DHX34: variants seen among roughly 807,000 people sequenced by gnomAD.
DHX34 encodes probable ATP-dependent RNA helicase DHX34.
In DHX34, 96 loss-of-function variants were observed where a neutral mutation model predicts 111.1. The observed-to-expected ratio is 0.86, with a 90% CI of 0.73 to 1.02. The LOEUF (loss-of-function observed/expected upper bound fraction) is 1.02. Ranked by LOEUF, DHX34 falls within the 50% of genes least tolerant of loss-of-function variation. The probability of loss-of-function intolerance (pLI) is 0.00; values close to 1 mark genes in which losing one functional copy is unlikely to be tolerated. For missense variants in DHX34, 1,560 were observed against 1,579.9 expected (o/e 0.99, Z 0.21); for synonymous variants, 688 against 670.4 (o/e 1.03, Z -0.41).
At chr19:47,359,873 G>A (rs1969572275) in intron 4 of DHX34, 95 bp from the exon 5 acceptor site, 2 of 1,592,432 alleles carry the variant, frequency 1.3e-6, no homozygotes, top group South Asian at 2.3e-5. Context: ...AAGGGTTCCA[G>A]GGAAGCTGCT....
rs922634821 is a variant in DHX34, at chr19:47,353,997, C to G, written c.705+262C>G. On this transcript the variant is annotated intron_variant, in intron 2 of 16. Coordinates refer to ENST00000328771, the MANE Select transcript of DHX34 (RefSeq NM_014681.6). The surrounding 1 kb of genome is among the most constrained non-coding windows in gnomAD (Gnocchi z 4.6). ...TTTTTTTTTGAGACGGAGTCTCACT[C>G]TGTGGCCCAGGCTGGAGTGCATTGG... Among the ~76,000 whole-genome samples, 1 of 152,156 alleles carries G rather than the reference C, an allele frequency of 6.6e-6. No homozygotes were observed. Among genetic ancestry groups the G allele is most frequent in the Non-Finnish European group, 1.5e-5 (1 of 68,026 alleles).
At chr19:47,381,712 T>G in intron 16 of DHX34, 1 of 797,862 alleles carries the variant, frequency 1.3e-6, no homozygotes. Context: ...TGGGGCCACA[T>G]GCCTCCATCC....
At chr19:47,374,155 C>A (rs892716799) in intron 9 of DHX34, among the ~76,000 whole-genome samples, 3 of 152,106 alleles carry the variant, frequency 2.0e-5, no homozygotes, top group African/African-American at 7.2e-5. Context: ...ATAGCACTTG[C>A]CAGCCGGGCG....
intron 3 of DHX34, among the ~76,000 whole-genome samples, chr19:47,356,257 G>T (rs532297375): frequency 6.6e-6 from 1 of 152,254 alleles, no homozygotes; most frequent in South Asian, 2.1e-4. Flanking sequence ...GTATAGTCAA[G>T]ACTTACAGGA....
chr19:47,375,457 T>G lies in DHX34; in HGVS notation c.2065-9T>G. On this transcript the variant is annotated splice_polypyrimidine_tract_variant and intron_variant, in intron 9 of 16. Coordinates refer to ENST00000328771, the MANE Select transcript of DHX34 (RefSeq NM_014681.6). ...CCTGAGGCCCTCACCCCTACCCACC[T>G]GCCCCTAGGAGCTGTTGGAGGACCA... The G allele has an allele frequency of 1.3e-6, 2 of 1,580,116 alleles. No individual in the cohort carries two copies. Among genetic ancestry groups the G allele is most frequent in the Non-Finnish European group, 1.7e-6 (2 of 1,170,814 alleles).
intron 13 of DHX34, 139 bp downstream of exon 13, chr19:47,377,345 C>G: frequency 3.5e-6 from 3 of 855,690 alleles, no homozygotes; most frequent in Non-Finnish European, 5.3e-6. Flanking sequence ...TGGGCCGTTG[C>G]TGTGGCTGCT....
At chr19:47,354,227 T>C (rs1969381731) in intron 2 of DHX34, among the ~76,000 whole-genome samples, 1 of 152,122 alleles carries the variant, frequency 6.6e-6, no homozygotes, top group Non-Finnish European at 1.5e-5. Context: ...CCTCCCAAAG[T>C]TTTGGGATTA....
intron 5 of DHX34, among the ~76,000 whole-genome samples, chr19:47,361,465 A>G (rs908732701): frequency 2.6e-5 from 4 of 151,370 alleles, no homozygotes; most frequent in South Asian, 2.1e-4. Flanking sequence ...TTAAAAAAAA[A>G]AGAGAGAGAG....
intron 8 of DHX34, among the ~76,000 whole-genome samples, 183 bp downstream of exon 8, chr19:47,373,106 G>A (rs1213357465): frequency 1.6e-4 from 25 of 152,262 alleles, no homozygotes; most frequent in Non-Finnish European, 1.9e-4. Flanking sequence ...GCTCAGGACA[G>A]CATGTGCCCA....
chr19:47,354,312 G>A (rs1969385169), intron 2 of DHX34, among the ~76,000 whole-genome samples: 1 of 152,120 alleles, frequency 6.6e-6, no homozygotes, highest in African/African-American at 2.4e-5. Flanking sequence ...CATCTTGGAA[G>A]GCCAATAATA....
intron 1 of DHX34, among the ~76,000 whole-genome samples, chr19:47,350,018 A>T (rs1040109925): frequency 1.3e-5 from 2 of 152,128 alleles, no homozygotes; most frequent in African/African-American, 4.8e-5. Context: ...GGGGGTGATC[A>T]TAGTGCCTGA....
At position 47,376,158 on chromosome 19, in the gene DHX34, G is replaced by T. The variant is rs574178558; in HGVS notation, c.2481+61G>T. 45 of 1,517,078 alleles carry T rather than the reference G, an allele frequency of 3.0e-5. No homozygotes were observed. The South Asian group carries it at 5.7e-4, about 19-fold the overall frequency. 94.0% of individuals were successfully genotyped at this position (1,517,078 alleles called of 1,614,324 possible). ...TCCAACACACGAACCCTGAGTGCCT[G>T]TCCTGTGCCGGGAATGCAGTGGTGA... On this transcript the variant is annotated intron_variant, in intron 11 of 16. Coordinates refer to ENST00000328771, the MANE Select transcript of DHX34 (RefSeq NM_014681.6).
chr19:47,373,000 G>A (rs993436745), intron 8 of DHX34, 77 bp downstream of exon 8: 25 of 1,465,404 alleles, frequency 1.7e-5, no homozygotes, highest in Admixed American at 9.2e-5. Context: ...GCTCCTCCTC[G>A]TGTCCCACCC....
At chr19:47,380,731 G>C in intron 14 of DHX34, 85 bp from the exon 15 acceptor site, 1 of 1,575,160 alleles carries the variant, frequency 6.3e-7, no homozygotes, top group Middle Eastern at 1.7e-4. Flanking sequence ...GCCCGAGGGA[G>C]GGCTTCAGGC....
Position 47,362,557 on chromosome 19 carries a change from A to C in DHX34, c.1457A>C (p.Glu486Ala). 6.2e-7 allele frequency: 1 copy of C among 1,613,334 alleles called. No homozygotes were observed. Among genetic ancestry groups the C allele is most frequent in the Admixed American group, 1.7e-5 (1 of 59,902 alleles). ...QEFWISQASA[E>A]QRKGRAGRTG... is the part of the protein sequence containing the mutation. ...TTCTGGATTAGTCAGGCCAGCGCAG[A>C]GCAGCGGAAGGGCCGGGCGGGCCGC... Residue 486 changes from glutamate (E) to alanine (A), a missense_variant, in exon 6 of 17, where the codon GAG becomes GCG. Glu to Ala is a moderately radical substitution (Grantham distance 107). Coordinates refer to ENST00000328771, the MANE Select transcript of DHX34 (RefSeq NM_014681.6).
intron 14 of DHX34, chr19:47,380,573 C>T (rs1568409211): frequency 4.2e-6 from 4 of 961,196 alleles, no homozygotes; most frequent in South Asian, 4.8e-5. Flanking sequence ...TGAATGGGGT[C>T]CCACCAGTGA....
rs558143998 is a variant in DHX34, at chr19:47,380,017, A to C, written c.2982+32A>C. Reference sequence around the variant, plus strand: ...TCCACCAGGGTGCCCGTGCCTCCCTATGGCCAGAAGGGGCATCCGTCACTG... The same window carrying C: ...TCCACCAGGGTGCCCGTGCCTCCCTCTGGCCAGAAGGGGCATCCGTCACTG... On this transcript the variant is annotated intron_variant, in intron 14 of 16. Transcript: ENST00000328771. The C allele has an allele frequency of 4.5e-6, 7 of 1,549,780 alleles. No individual in the cohort carries two copies. The Admixed American group carries it at 1.3e-4, about 28-fold the overall frequency.
At position 47,353,686 on chromosome 19, in the gene DHX34, C is replaced by G; in HGVS notation, c.656C>G (p.Ser219Ter). ...CAGCCCCGGCGGATCGCCTGCATCT[C>G]ACTGGCCAAGCGTGTGGGCTTTGAG... ...CTQPRRIACISLAKRVGFESL... is the reference protein window; with the variant it reads ...CTQPRRIACI Residue 219 changes from serine to a stop codon, truncating the protein, a stop_gained, in exon 2 of 17, where the codon TCA (serine) becomes TGA (stop). Coordinates refer to ENST00000328771, the MANE Select transcript of DHX34 (RefSeq NM_014681.6). LOFTEE classifies it high-confidence loss of function. This position sits in a 1 kb window ranked among gnomAD's most constrained non-coding sequence, Gnocchi z 4.6. The G allele has an allele frequency of 1.2e-6, 2 of 1,611,738 alleles. No homozygotes were observed. The highest frequency in any genetic ancestry group is 8.5e-7 in the Non-Finnish European group (1 of 1,179,142).
rs778051860 is a variant in DHX34, at chr19:47,353,476, T to C, written c.446T>C (p.Phe149Ser). ...CTGGACTTTGGCCAGAAGCAGGCATTTGGGCGTCTGGCCAAGCTGCAGCGT... is the reference window on the plus strand; with the variant it reads ...CTGGACTTTGGCCAGAAGCAGGCATCTGGGCGTCTGGCCAAGCTGCAGCGT... The part of the protein sequence containing the change: ...HYLDFGQKQA[F>S]GRLAKLQRER... The change falls in exon 2 of 17, where the codon TTT (phenylalanine) becomes TCT (serine). Residue 149 changes from phenylalanine (F) to serine (S), a missense_variant. Transcript: ENST00000328771. This position sits in a 1 kb window ranked among gnomAD's most constrained non-coding sequence, Gnocchi z 4.6. The C allele has an allele frequency of 6.2e-6, 10 of 1,613,978 alleles. No homozygotes were observed. The highest frequency in any genetic ancestry group is 1.1e-5 in the South Asian group (1 of 91,092).
Sources: gnomAD v4.1 joint callset for allele counts (sites outside exome capture counted in the v4.1 genomes callset) on GRCh38, gnomAD v4.1.1 for gene constraint, Gnocchi (gnomAD v3.1) non-coding constraint, MANE v1.5 for transcripts, NCBI Gene and HGNC (gene_info 2026-07-23, HGNC 2026-07-21) for gene names.